Variants in ARMC6 observed in about 807,000 individuals in gnomAD.
ARMC6 encodes armadillo repeat-containing protein 6.
Under a neutral mutation model 49.2 loss-of-function variants are expected in ARMC6, and 43 were observed. The ratio of observed to expected loss-of-function variants is 0.87; its 90% CI spans 0.69 to 1.13. ARMC6 has a LOEUF of 1.13. Among genes scored for constraint, ARMC6 ranks in the 50% most tolerant of loss-of-function variants. The pLI, the probability that ARMC6 is intolerant of heterozygous loss-of-function variation, is 0.00. For missense variants in ARMC6, 627 were observed against 682.0 expected (o/e 0.92, Z 0.90); for synonymous variants, 262 against 289.6 (o/e 0.90, Z 0.97).
Position 19,055,524 on chromosome 19 carries a change from G to GAGAGCCAATGCC in ARMC6, c.1155+128_1155+129insAGAGCCAATGCC. 7.4e-7 allele frequency: 1 copy of GAGAGCCAATGCC among 1,344,188 alleles called. No individual in the cohort carries two copies. Among genetic ancestry groups the GAGAGCCAATGCC allele is most frequent in the Non-Finnish European group, 1.0e-6 (1 of 1,004,594 alleles). The allele number at this position is 1,344,188 out of a possible 1,614,324, so 83.3% of individuals were successfully genotyped here. A position where few individuals can be genotyped will look rare whatever the true frequency, so the allele number is the denominator to read the frequency against. On this transcript the variant is annotated intron_variant, in intron 7 of 8. Coordinates refer to ENST00000535612, the MANE Select transcript of ARMC6 (RefSeq NM_001199196.2). This position sits in a 1 kb window ranked among gnomAD's most constrained non-coding sequence, Gnocchi z 5.7. ...GGGCTGGTGAGGGTCGTGGGCATTG[G>GAGAGCCAATGCC]CTCTCAAATGCTGACCTGCGTATGC...
rs2059554741 is a variant in ARMC6, at chr19:19,057,524, C to G, written c.1402C>G (p.His468Asp). Residue 468 changes from histidine (H) to aspartate (D), a missense_variant, in exon 9 of 9, where the codon CAC (histidine) becomes GAC (aspartate). Transcript: ENST00000535612. ...ACTCATCATGCAGGCCCGATCTGCCCACCGTGACTGTGAGGACGTGGCCAA... is the reference window on the plus strand; with the variant it reads ...ACTCATCATGCAGGCCCGATCTGCCGACCGTGACTGTGAGGACGTGGCCAA... ...EALIMQARSA[H>D]RDCEDVAKAA... The G allele has an allele frequency of 6.8e-6, 11 of 1,614,046 alleles. No individual in the cohort carries two copies. Among genetic ancestry groups the G allele is most frequent in the Admixed American group, 1.7e-5 (1 of 60,028 alleles).
Position 19,034,947 on chromosome 19 carries a change from C to T in ARMC6, c.29+709C>T, listed in dbSNP as rs200041836. On this transcript the variant is annotated intron_variant, in intron 2 of 8. Transcript: ENST00000535612. The stretch of plus-strand genomic sequence containing the variant: ...CGCAATCTCAGCTCACTGCAAGCTC[C>T]GTCTCCTGGGTTCAGGCCATTCTCC... Among the ~76,000 whole-genome samples, 37 of 151,568 alleles carry T rather than the reference C, an allele frequency of 2.4e-4. 1 individual carries two copies. The East Asian group carries it at 7.2e-3, about 29-fold the overall frequency.
At chr19:19,054,464 C>A in intron 6 of ARMC6, 143 bp downstream of exon 6, 2 of 876,476 alleles carry the variant, frequency 2.3e-6, no homozygotes, top group South Asian at 2.5e-5. Flanking sequence ...AGGGCAGGAA[C>A]CAAAGGTCGG....
chr19:19,044,253 C>G (rs2059432051), intron 4 of ARMC6, among the ~76,000 whole-genome samples, 179 bp downstream of exon 4: 1 of 152,246 alleles, frequency 6.6e-6, no homozygotes. Context: ...GGCATGCCTT[C>G]CAATGCAGGG....
intron 8 of ARMC6, among the ~76,000 whole-genome samples, chr19:19,056,382 C>T (rs2059545136): frequency 6.6e-6 from 1 of 151,512 alleles, no homozygotes. Flanking sequence ...CTGTCTCAGT[C>T]TCCCGAGTAG....
intron 2 of ARMC6, among the ~76,000 whole-genome samples, chr19:19,035,743 A>G (rs906697284): frequency 1.4e-5 from 2 of 145,794 alleles, no homozygotes; most frequent in African/African-American, 5.1e-5. Flanking sequence ...TGAGAATCCG[A>G]AGTATTTGAG....
chr19:19,038,087 A>G (rs1249762112), intron 2 of ARMC6, among the ~76,000 whole-genome samples: 8 of 152,212 alleles, frequency 5.3e-5, no homozygotes, highest in South Asian at 2.1e-4. Flanking sequence ...TGCACATGCA[A>G]GCGATTTAGG....
chr19:19,038,896 T>TATAC lies in ARMC6; in HGVS notation c.30-3813_30-3810dup, dbSNP rs1555756872. Among the ~76,000 whole-genome samples the TATAC allele has an allele frequency of 2.0e-4, 11 of 55,108 alleles. No homozygotes were observed. The South Asian group carries it at 3.3e-3, about 17-fold the overall frequency. The allele number at this position is 55,108 out of a possible 152,430, so 36.2% of individuals were successfully genotyped here. On this transcript the variant is annotated intron_variant, in intron 2 of 8. Coordinates refer to ENST00000535612, the MANE Select transcript of ARMC6 (RefSeq NM_001199196.2). ...TTATTTTATAAGGTGGGTTTGTGTGTATACACACACACACACACACACACA... is the reference window on the plus strand; with the variant it reads ...TTATTTTATAAGGTGGGTTTGTGTGTATACATACACACACACACACACACACACA...
intron 8 of ARMC6, among the ~76,000 whole-genome samples, chr19:19,056,317 A>C: frequency 6.9e-6 from 1 of 144,012 alleles, no homozygotes. Flanking sequence ...GCTGGAGTGC[A>C]GTGGCGCCAT....
At chr19:19,037,950 C>T (rs1427201125) in intron 2 of ARMC6, among the ~76,000 whole-genome samples, 3 of 152,278 alleles carry the variant, frequency 2.0e-5, no homozygotes, top group African/African-American at 4.8e-5. Flanking sequence ...AGGAGGCAAG[C>T]GTAGGGTGAG....
chr19:19,037,292 C>T (rs1350842853), intron 2 of ARMC6, among the ~76,000 whole-genome samples: 1 of 151,912 alleles, frequency 6.6e-6, no homozygotes, highest in African/African-American at 2.4e-5. Context: ...CCATGGTGGG[C>T]ATCTGCAGGA....
intron 4 of ARMC6, 122 bp from the exon 5 acceptor site, chr19:19,051,500 A>G (rs1010850852): frequency 2.2e-6 from 2 of 921,336 alleles, no homozygotes; most frequent in Non-Finnish European, 3.3e-6. Context: ...CTTGCCCCAC[A>G]TCACTTCCAC....
In ARMC6 at chr19:19,045,048, T is replaced by C. The variant is rs1395493279; in HGVS notation, c.279+974T>C. ...TCTATTGAGACAGAGTCTCACTCTG[T>C]TGCCCAGGCTGGTGTGCACTGGCGT... On this transcript the variant is annotated intron_variant, in intron 4 of 8. Coordinates refer to ENST00000535612, the MANE Select transcript of ARMC6 (RefSeq NM_001199196.2). Among the ~76,000 whole-genome samples the C allele has an allele frequency of 2.0e-5, 3 of 152,234 alleles. No individual in the cohort carries two copies. The East Asian group carries it at 5.8e-4, about 29-fold the overall frequency.
Position 19,051,640 on chromosome 19 carries a change from G to T in ARMC6, c.298G>T (p.Glu100Ter). Reference protein sequence around the residue: ...DILQMLSDLQESVASSRPQEV... With the variant: ...DILQMLSDLQ ...CTCCCAGATGCTCAGTGACCTCCAGGAGTCTGTGGCCAGCTCTCGCCCCCA... is the reference window on the plus strand; with the variant it reads ...CTCCCAGATGCTCAGTGACCTCCAGTAGTCTGTGGCCAGCTCTCGCCCCCA... The change falls in exon 5 of 9, where the codon GAG becomes TAG. Residue 100 changes from glutamate (E) to a stop codon, truncating the protein, a stop_gained. Coordinates refer to ENST00000535612, the MANE Select transcript of ARMC6 (RefSeq NM_001199196.2). LOFTEE classifies it high-confidence loss of function. 1 of 1,604,604 alleles carries T rather than the reference G, an allele frequency of 6.2e-7. No individual in the cohort carries two copies. The highest frequency in any genetic ancestry group is 8.5e-7 in the Non-Finnish European group (1 of 1,174,904).
At chr19:19,046,326 A>G (rs2059450132) in intron 4 of ARMC6, among the ~76,000 whole-genome samples, 2 of 151,740 alleles carry the variant, frequency 1.3e-5, no homozygotes, top group South Asian at 4.1e-4. Flanking sequence ...CCTCTGGAGT[A>G]GCTGAGACTA....
intron 4 of ARMC6, among the ~76,000 whole-genome samples, chr19:19,049,731 T>G (rs1365562785): frequency 6.6e-6 from 1 of 152,144 alleles, no homozygotes; most frequent in Non-Finnish European, 1.5e-5. Context: ...CTCATATAAA[T>G]GGAATCACAG....
Position 19,039,281 on chromosome 19 carries a change from A to G in ARMC6, c.30-3430A>G, listed in dbSNP as rs1293527650. ...TCCCGAGTAACTTCAACCACACGCAAATGCCACCACACCTGACTATATTTT... is the reference window on the plus strand; with the variant it reads ...TCCCGAGTAACTTCAACCACACGCAGATGCCACCACACCTGACTATATTTT... On this transcript the variant is annotated intron_variant, in intron 2 of 8. Transcript: ENST00000535612. 7.4e-6 allele frequency: 3 copies of G among 406,004 alleles called. No individual in the cohort carries two copies. The Admixed American group carries it at 7.9e-5, about 11-fold the overall frequency. 25.2% of individuals were successfully genotyped at this position (406,004 alleles called of 1,614,324 possible).
intron 4 of ARMC6, among the ~76,000 whole-genome samples, chr19:19,046,365 T>G (rs2059450558): frequency 6.6e-6 from 1 of 151,552 alleles, no homozygotes; most frequent in African/African-American, 2.4e-5. Context: ...CCCGGCTAAT[T>G]TTTTGTATTT....
chr19:19,048,213 G>A (rs2059466894), intron 4 of ARMC6, among the ~76,000 whole-genome samples: 1 of 152,202 alleles, frequency 6.6e-6, no homozygotes, highest in Non-Finnish European at 1.5e-5. Context: ...GGGCATGGTG[G>A]CAGGTGCCTG....
Sources: allele counts gnomAD v4.1 joint callset (sites outside exome capture counted in the v4.1 genomes callset), GRCh38; gene constraint gnomAD v4.1.1; non-coding constraint Gnocchi (gnomAD v3.1); transcripts MANE v1.5; gene names NCBI Gene and HGNC (gene_info 2026-07-23, HGNC 2026-07-21).